Variants in CTNNA2 observed in about 807,000 individuals in gnomAD.
CTNNA2 encodes the protein catenin alpha-2.
Under a neutral mutation model 101.0 loss-of-function variants are expected in CTNNA2, and 42 were observed. That is an observed-to-expected ratio of 0.42 (90% confidence interval 0.32 to 0.54). The LOEUF is 0.54. CTNNA2 is among the 20% of genes least tolerant of loss of function. The probability of loss-of-function intolerance (pLI) is 0.14; values close to 1 mark genes in which losing one functional copy is unlikely to be tolerated. For synonymous variants in CTNNA2, 450 were observed against 456.4 expected (o/e 0.99, Z 0.18); for missense variants, 871 against 1,223.1 (o/e 0.71, Z 4.29).
At chr2:79,749,888 TG>T (rs1385597312) in intron 3 of CTNNA2, among the ~76,000 whole-genome samples, 1 of 152,186 alleles carries the variant, frequency 6.6e-6, no homozygotes, top group East Asian at 1.9e-4. Flanking sequence ...TAAATCAATG[TG>T]TACTACCTAT....
At chr2:80,011,482 A>T (rs1018550408) in intron 7 of CTNNA2, among the ~76,000 whole-genome samples, 1 of 152,182 alleles carries the variant, frequency 6.6e-6, no homozygotes, top group Non-Finnish European at 1.5e-5. Context: ...GTCACACAGT[A>T]CATAGTAGAG....
intron 2 of CTNNA2, among the ~76,000 whole-genome samples, chr2:79,693,587 A>G (rs1684463891): frequency 6.6e-6 from 1 of 151,902 alleles, no homozygotes; most frequent in Admixed American, 6.6e-5. Flanking sequence ...AATCACTGGA[A>G]CAATGTCCTT....
intron 2 of CTNNA2, among the ~76,000 whole-genome samples, chr2:79,264,709 A>C (rs1420504007): frequency 6.8e-6 from 1 of 148,064 alleles, no homozygotes; most frequent in African/African-American, 2.5e-5. Context: ...CCTCGTCCTC[A>C]TACTTTTTAT....
At chr2:79,398,984 C>T (rs965214544) in intron 4 of CTNNA2, among the ~76,000 whole-genome samples, 1 of 152,046 alleles carries the variant, frequency 6.6e-6, no homozygotes, top group Non-Finnish European at 1.5e-5. Flanking sequence ...CTATGGTAGA[C>T]TATGAGCCAT....
At chr2:79,907,483 T>C (rs1685504074) in intron 6 of CTNNA2, among the ~76,000 whole-genome samples, 1 of 152,026 alleles carries the variant, frequency 6.6e-6, no homozygotes, top group African/African-American at 2.4e-5. Context: ...ACAACACTAG[T>C]ACGTATAGCA....
rs991273194 is a variant in CTNNA2 at position 79,311,444 on chromosome 2, T to G, written c.-405-1265T>G. 2.0e-5 allele frequency among the ~76,000 whole-genome samples: 3 copies of G among 148,834 alleles called. No individual in the cohort carries two copies. The South Asian group carries it at 6.3e-4, about 31-fold the overall frequency. On this transcript the variant is annotated intron_variant, in intron 2 of 21. Coordinates refer to the CTNNA2 transcript ENST00000466387. ...AAAAAAAAAAAAGAGGTGATTAACTTAAATGATTTCTAAGGACTTGTTTGG... is the reference window on the plus strand; with the variant it reads ...AAAAAAAAAAAAGAGGTGATTAACTGAAATGATTTCTAAGGACTTGTTTGG...
At chr2:79,932,178 A>G (rs892388056) in intron 7 of CTNNA2, among the ~76,000 whole-genome samples, 1 of 152,122 alleles carries the variant, frequency 6.6e-6, no homozygotes, top group African/African-American at 2.4e-5. Flanking sequence ...CCTGAGCCCT[A>G]AAGGCTATGG....
intron 1 of CTNNA2, among the ~76,000 whole-genome samples, chr2:79,644,755 C>G (rs923138441): frequency 6.6e-6 from 1 of 152,198 alleles, no homozygotes; most frequent in African/African-American, 2.4e-5. Context: ...TCTCCCTCAT[C>G]TAGTCTAACA....
intron 11 of CTNNA2, 99 bp downstream of exon 11, chr2:80,546,162 G>C: frequency 7.0e-7 from 1 of 1,424,786 alleles, no homozygotes; most frequent in South Asian, 1.4e-5. Context: ...TGTTTCAGGC[G>C]CACTCCTTAG....
At chr2:80,240,464 CCCA>C (rs1216840354) in intron 7 of CTNNA2, among the ~76,000 whole-genome samples, 1 of 152,180 alleles carries the variant, frequency 6.6e-6, no homozygotes, top group Non-Finnish European at 1.5e-5. Context: ...GCACCGTAGT[CCCA>C]CTCCTTCTCA....
intron 7 of CTNNA2, among the ~76,000 whole-genome samples, chr2:79,918,425 T>C (rs1192782166): frequency 1.3e-5 from 2 of 152,190 alleles, no homozygotes; most frequent in Non-Finnish European, 2.9e-5. Context: ...CCCAGCTAGA[T>C]GGCCAGCTAG....
intron 8 of CTNNA2, among the ~76,000 whole-genome samples, chr2:80,397,451 C>G (rs1026483624): frequency 6.6e-6 from 1 of 152,122 alleles, no homozygotes; most frequent in African/African-American, 2.4e-5. Flanking sequence ...CCATAATTCC[C>G]TTATGTCATG....
At chr2:79,535,816 T>A (rs951741808) in intron 1 of CTNNA2, among the ~76,000 whole-genome samples, 11 of 152,144 alleles carry the variant, frequency 7.2e-5, no homozygotes, top group Non-Finnish European at 1.2e-4. Flanking sequence ...GTTAAGATTT[T>A]TGTATCTTCA....
chr2:79,386,141 C>A (rs1002306951), intron 4 of CTNNA2, among the ~76,000 whole-genome samples: 1 of 152,152 alleles, frequency 6.6e-6, no homozygotes, highest in African/African-American at 2.4e-5. Context: ...AATTTACACT[C>A]CCACTAAGAG....
intron 2 of CTNNA2, among the ~76,000 whole-genome samples, chr2:79,261,708 A>T (rs777066249): frequency 3.3e-5 from 5 of 152,174 alleles, no homozygotes; most frequent in Non-Finnish European, 7.3e-5. Flanking sequence ...CATCCTTATG[A>T]TCTCATTTAA....
intron 1 of CTNNA2, chr2:79,195,826 AAT>A (rs1269839000): frequency 1.9e-6 from 1 of 515,038 alleles, no homozygotes; most frequent in African/African-American, 1.9e-5. Flanking sequence ...GAGCTGAATC[AAT>A]ACATATCACT....
chr2:80,559,884 A>ATATATATT (rs1553387559), intron 12 of CTNNA2, among the ~76,000 whole-genome samples: 1 of 140,588 alleles, frequency 7.1e-6, no homozygotes, highest in Non-Finnish European at 1.5e-5. Flanking sequence ...ATATTTATAT[A>ATATATATT]TATATATACA....
At chr2:79,607,698 A>G (rs1396232454) in intron 1 of CTNNA2, among the ~76,000 whole-genome samples, 1 of 152,136 alleles carries the variant, frequency 6.6e-6, no homozygotes, top group Non-Finnish European at 1.5e-5. Flanking sequence ...CTAAAAGGAA[A>G]TTATAAAATG....
At chr2:79,802,437 C>A (rs1278342490) in intron 3 of CTNNA2, among the ~76,000 whole-genome samples, 1 of 152,124 alleles carries the variant, frequency 6.6e-6, no homozygotes, top group Non-Finnish European at 1.5e-5. Flanking sequence ...GACATCATGC[C>A]AAGTTTCATT....
Sources: gnomAD v4.1 joint callset for allele counts (sites outside exome capture counted in the v4.1 genomes callset) on GRCh38, gnomAD v4.1.1 for gene constraint, MANE v1.5 for transcripts, NCBI Gene and HGNC (gene_info 2026-07-23, HGNC 2026-07-21) for gene names.